The following RSPH3 variants were observed in gnomAD, a reference collection of about 807,000 sequenced individuals.
RSPH3 encodes radial spoke head protein 3 homolog.
Under a neutral mutation model 43.8 loss-of-function variants are expected in RSPH3, and 21 were observed. That is an observed-to-expected ratio of 0.48 (90% CI 0.34 to 0.69). The LOEUF is 0.69. RSPH3 is among the 30% of genes least tolerant of loss of function. RSPH3 has a pLI of 0.01. For synonymous variants in RSPH3, 173 were observed against 179.8 expected (o/e 0.96, Z 0.30); for missense variants, 487 against 516.0 (o/e 0.94, Z 0.54).
rs150750790 is a variant in RSPH3 at position 158,980,842 on chromosome 6, G to A, written c.791C>T (p.Ala264Val). 22 of 1,614,164 alleles carry A rather than the reference G, an allele frequency of 1.4e-5. No homozygotes were observed. The African/African-American group carries it at 2.5e-4, about 19-fold the overall frequency. ...AARAFAQRYL[A>V]DLLPSVFGSL... ...GCCAAAAACAGACGGGAGAAGGTCA[G>A]CCAGGTAACGCTGTGCAAATGCTCG... The change falls in exon 6 of 8, where the codon GCT becomes GTT. Residue 264 changes from alanine (A) to valine (V), a missense_variant. Coordinates refer to ENST00000367069, the MANE Select transcript of RSPH3 (RefSeq NM_031924.8).
chr6:158,967,583 A>G, the RSPH3 span, among the ~76,000 whole-genome samples: 1 of 152,196 alleles, frequency 6.6e-6, no homozygotes, highest in Non-Finnish European at 1.5e-5. Context: ...AAGTACTTCT[A>G]TAAATGTCTA....
Position 158,986,292 on chromosome 6 carries a change from C to T in RSPH3, c.334G>A (p.Asp112Asn), listed in dbSNP as rs755203109. ...CACAGTCACACACCTGTTTGCACATCGACATGCTTTCTGCCTTCCACAGGT... is the reference window on the plus strand; with the variant it reads ...CACAGTCACACACCTGTTTGCACATTGACATGCTTTCTGCCTTCCACAGGT... ...PEPVEGRKHV[D>N]VQTELYLEEI... is the part of the protein sequence containing the mutation. The change falls in exon 3 of 8, where the codon GAT becomes AAT. Residue 112 changes from aspartate (D) to asparagine (N), a missense_variant. By Grantham distance (23) the Asp-to-Asn change is conservative. Coordinates refer to ENST00000367069, the MANE Select transcript of RSPH3 (RefSeq NM_031924.8). The T allele has an allele frequency of 4.3e-6, 7 of 1,613,750 alleles. No homozygotes were observed. Among genetic ancestry groups the T allele is most frequent in the African/African-American group, 2.7e-5 (2 of 74,918 alleles).
intron 2 of RSPH3, among the ~76,000 whole-genome samples, chr6:158,986,830 A>C (rs1778250568): frequency 6.6e-6 from 1 of 152,124 alleles, no homozygotes; most frequent in South Asian, 2.1e-4. Flanking sequence ...AAGATATTCG[A>C]TATGATTTCT....
the RSPH3 span, among the ~76,000 whole-genome samples, chr6:158,963,444 C>CCCTT: frequency 1.1e-5 from 1 of 91,556 alleles, no homozygotes; most frequent in Non-Finnish European, 2.1e-5. Flanking sequence ...CCCCTTCTTC[C>CCCTT]CCCTTCCCTT....
chr6:158,984,434 T>TTATATATATATATATATA (rs55999313), intron 3 of RSPH3, among the ~76,000 whole-genome samples: 7 of 63,646 alleles, frequency 1.1e-4, no homozygotes, highest in African/African-American at 1.6e-4. Context: ...AAAAAGTCAA[T>TTATATATATATATATATA]TATATATATA....
In RSPH3 at chr6:158,995,748, C is replaced by T. The variant is rs577613571; in HGVS notation, c.117-1822G>A. Among the ~76,000 whole-genome samples the T allele has an allele frequency of 2.0e-5, 3 of 151,058 alleles. No homozygotes were observed. In the East Asian group the frequency reaches 6.2e-4, roughly 31 times the overall value. ...TAGCTGGGACTACAGGCGCCCGCCA[C>T]CACGCCCGGCTCATTTTTTTTTGTA... On this transcript the variant is annotated intron_variant, in intron 1 of 7. Transcript: ENST00000367069.
chr6:158,964,778 T>C, the RSPH3 span, among the ~76,000 whole-genome samples: 66 of 152,186 alleles, frequency 4.3e-4, no homozygotes, highest in Non-Finnish European at 7.2e-4. Flanking sequence ...TCTATTCACT[T>C]TCTTGATGGT....
At chr6:158,995,485 C>T (rs1583727240) in intron 1 of RSPH3, among the ~76,000 whole-genome samples, 1 of 152,202 alleles carries the variant, frequency 6.6e-6, no homozygotes, top group African/African-American at 2.4e-5. Flanking sequence ...GCCCTCATTC[C>T]GTGGCTTGTG....
intron 2 of RSPH3, 31 bp downstream of exon 2, chr6:158,993,808 C>T (rs764937376): frequency 1.7e-6 from 2 of 1,205,874 alleles, no homozygotes; most frequent in East Asian, 4.8e-5. Flanking sequence ...AATGTGAGAA[C>T]ACGGTGTTAG....
chr6:158,967,392 C>T, the RSPH3 span, among the ~76,000 whole-genome samples: 2 of 152,154 alleles, frequency 1.3e-5, no homozygotes, highest in Non-Finnish European at 2.9e-5. Flanking sequence ...TTAATTTCCA[C>T]ACATTTGTGA....
rs73586662 is a variant in RSPH3, at chr6:158,987,078, G to T, written c.205-657C>A. 4.5e-3 allele frequency among the ~76,000 whole-genome samples: 686 copies of T among 152,210 alleles called. 3 individuals carry two copies. The highest frequency in any genetic ancestry group is 0.015 in the African/African-American group (635 of 41,530). On this transcript the variant is annotated intron_variant, in intron 2 of 7. Coordinates refer to ENST00000367069, the MANE Select transcript of RSPH3 (RefSeq NM_031924.8). ...ATCTATTCATTACTGAGAACAGGTT[G>T]TTAAAGTCTCCTAATATTAATGCAG...
chr6:158,983,877 T>C, intron 3 of RSPH3, 70 bp from the exon 4 acceptor site: 2 of 1,126,952 alleles, frequency 1.8e-6, no homozygotes. Context: ...TTCATGCCCA[T>C]AATCCCAGCA....
downstream of RSPH3, among the ~76,000 whole-genome samples, chr6:158,968,409 T>C (rs1777655010): frequency 1.3e-5 from 2 of 152,086 alleles, no homozygotes; most frequent in South Asian, 4.2e-4. Context: ...TAATTTTGCG[T>C]ATTTTTAATA....
In RSPH3 at chr6:158,999,700, A is replaced by ACGGGAGGTTACCAGCG; in HGVS notation, c.-166_-151dup. On this transcript the variant is annotated 5_prime_UTR_variant, in exon 1 of 8. The change creates a premature stop within an existing upstream ORF in the 5' untranslated region. Coordinates refer to ENST00000367069, the MANE Select transcript of RSPH3 (RefSeq NM_031924.8). The stretch of plus-strand genomic sequence containing the variant: ...GGCGACAACAAGGGAGGCGGGCGGG[A>ACGGGAGGTTACCAGCG]CGGGAGGTTACCAGCGCAGGAGGTG... 1 of 1,613,670 alleles carries ACGGGAGGTTACCAGCG rather than the reference A, an allele frequency of 6.2e-7. No homozygotes were observed. The highest frequency in any genetic ancestry group is 1.1e-5 in the South Asian group (1 of 90,988).
Position 158,977,980 on chromosome 6 carries a change from T to C in RSPH3, c.947-132A>G, listed in dbSNP as rs185846355. 380 of 746,844 alleles carry C rather than the reference T, an allele frequency of 5.1e-4. 2 individuals carry two copies. The African/African-American group carries it at 6.0e-3, about 12-fold the overall frequency. The allele number at this position is 746,844 out of a possible 1,614,324, so 46.3% of individuals were successfully genotyped here. A position where few individuals can be genotyped will look rare whatever the true frequency, so the allele number is the denominator to read the frequency against. On this transcript the variant is annotated intron_variant, in intron 7 of 7. Transcript: ENST00000367069. ...ATCTCTTTCCTATGTCATAACCTTT[T>C]TTGGAAGTCAGCATACTTCACACTT...
Position 158,982,567 on chromosome 6 carries a change from C to T in RSPH3, c.614G>A (p.Arg205His), listed in dbSNP as rs754501725. The T allele has an allele frequency of 6.2e-6, 10 of 1,613,680 alleles. No homozygotes were observed. Among genetic ancestry groups the T allele is most frequent in the South Asian group, 2.2e-5 (2 of 91,068 alleles). The change falls in exon 5 of 8, where the codon CGT (arginine) becomes CAT (histidine). Residue 205 changes from arginine (R) to histidine (H), a missense_variant. Transcript: ENST00000367069. ...EELANLRASQ[R>H]EYEELRNSER... ...ACTATTCCGTAGTTCTTCATACTCA[C>T]GCTGACTGGCCCGCAGGTTAGCCAG...
In RSPH3 at chr6:158,986,428, G is replaced by A. The variant is rs1282790474; in HGVS notation, c.205-7C>T. 2.0e-5 allele frequency: 32 copies of A among 1,599,928 alleles called. No individual in the cohort carries two copies. The highest frequency in any genetic ancestry group is 2.6e-5 in the Non-Finnish European group (31 of 1,175,468). ...GAGAATCAGGCCGTCCGAGCTAACAGTGATAGAAAATACTTCTAGAATTTA... is the reference window on the plus strand; with the variant it reads ...GAGAATCAGGCCGTCCGAGCTAACAATGATAGAAAATACTTCTAGAATTTA... On this transcript the variant is annotated splice_region_variant and splice_polypyrimidine_tract_variant and intron_variant, in intron 2 of 7. Transcript: ENST00000367069.
rs199715125 is a variant in RSPH3 at position 158,999,748 on chromosome 6, C to T, written c.-198G>A. On this transcript the variant is annotated 5_prime_UTR_variant, in exon 1 of 8. Coordinates refer to ENST00000367069, the MANE Select transcript of RSPH3 (RefSeq NM_031924.8). Reference sequence around the variant, plus strand: ...GTGGGAGCTATACTGGGCTCGCTCCCAGCACCACAGAGACCAGCTGCGGGG... The same window carrying T: ...GTGGGAGCTATACTGGGCTCGCTCCTAGCACCACAGAGACCAGCTGCGGGG... The T allele has an allele frequency of 1.5e-4, 234 of 1,611,082 alleles. 1 individual carries two copies. The highest frequency in any genetic ancestry group is 1.3e-3 in the Middle Eastern group (8 of 6,066).
In RSPH3 at chr6:158,975,247, A is replaced by G. The variant is rs1375628891; in HGVS notation, c.*2291T>C. Reference sequence around the variant, plus strand: ...ATTTTTGGTCTTCTTGCCAAAATTAATATCTTATAAATGTTAGGATGATCA... The same window carrying G: ...ATTTTTGGTCTTCTTGCCAAAATTAGTATCTTATAAATGTTAGGATGATCA... On this transcript the variant is annotated 3_prime_UTR_variant, in exon 8 of 8. Coordinates refer to ENST00000367069, the MANE Select transcript of RSPH3 (RefSeq NM_031924.8). The G allele has an allele frequency of 2.0e-5, 3 of 152,238 alleles. No individual in the cohort carries two copies. Among genetic ancestry groups the G allele is most frequent in the Admixed American group, 6.5e-5 (1 of 15,286 alleles). 9.4% of individuals were successfully genotyped at this position (152,238 alleles called of 1,614,324 possible).
Sources: allele counts gnomAD v4.1 joint callset (sites outside exome capture counted in the v4.1 genomes callset), GRCh38; gene constraint gnomAD v4.1.1; transcripts MANE v1.5; gene names NCBI Gene and HGNC (gene_info 2026-07-23, HGNC 2026-07-21).